Variants in STK3 observed in about 807,000 individuals in gnomAD.
The protein encoded by STK3 is serine/threonine-protein kinase 3.
In STK3, 41 loss-of-function variants were observed where a neutral mutation model predicts 58.0. The ratio of observed to expected loss-of-function variants is 0.71; its 90% CI spans 0.55 to 0.92. The LOEUF (loss-of-function observed/expected upper bound fraction) is 0.92. Among genes scored for constraint, STK3 ranks in the 40% least tolerant of loss-of-function variants. The probability of loss-of-function intolerance (pLI) is 0.00; values close to 1 mark genes in which losing one functional copy is unlikely to be tolerated. For missense variants in STK3, 479 were observed against 602.7 expected (o/e 0.79, Z 2.15); for synonymous variants, 170 against 191.0 (o/e 0.89, Z 0.91).
rs1180621568 is a variant in STK3 at position 98,630,661 on chromosome 8, A to AAGGAGAAGGAGGAGAAGG, written c.685-34510_685-34493dup. Among the ~76,000 whole-genome samples the AAGGAGAAGGAGGAGAAGG allele has an allele frequency of 2.7e-3, 395 of 148,876 alleles. 1 individual carries two copies. Among genetic ancestry groups the AAGGAGAAGGAGGAGAAGG allele is most frequent in the African/African-American group, 9.3e-3 (375 of 40,316 alleles). The stretch of plus-strand genomic sequence containing the variant: ...GAAGAAGAAGGAGAAGGAGAAGGAG[A>AAGGAGAAGGAGGAGAAGG]AGGAGAAGGAGGAGAAGGAGGAGAA... On this transcript the variant is annotated intron_variant, in intron 6 of 10. Transcript: ENST00000419617.
chr8:98,699,309 T>G (rs552704284), intron 6 of STK3, among the ~76,000 whole-genome samples: 3,076 of 151,726 alleles, frequency 0.02, 98 homozygotes, highest in African/African-American at 0.07. Flanking sequence ...TGGTTTGAAT[T>G]TCCTCCTGTA....
intron 3 of STK3, among the ~76,000 whole-genome samples, chr8:98,751,228 T>C (rs1000707302): frequency 9.9e-5 from 15 of 152,114 alleles, no homozygotes; most frequent in Non-Finnish European, 2.2e-4. Flanking sequence ...CATTCCTGTT[T>C]AACATAGTAT....
intron 2 of STK3, among the ~76,000 whole-genome samples, chr8:98,373,188 G>A (rs1369861926): frequency 6.6e-6 from 1 of 152,040 alleles, no homozygotes; most frequent in Non-Finnish European, 1.5e-5. Flanking sequence ...TGCTTTTTTT[G>A]TGATTGCTGT....
At chr8:98,345,353 G>C in the STK3 span, among the ~76,000 whole-genome samples, 11 of 152,016 alleles carry the variant, frequency 7.2e-5, no homozygotes, top group African/African-American at 2.7e-4. Context: ...ACACACTGAA[G>C]GCATCAGGTA....
At chr8:98,832,311 T>C (rs1016596571) in intron 3 of STK3, among the ~76,000 whole-genome samples, 1 of 151,144 alleles carries the variant, frequency 6.6e-6, no homozygotes, top group African/African-American at 2.4e-5. Flanking sequence ...GACACTCACA[T>C]GCACAATAAG....
In STK3 at chr8:98,474,203, T is replaced by G. The variant is rs543555276; in HGVS notation, c.1318-18203A>C. On this transcript the variant is annotated intron_variant, in intron 10 of 10. Transcript: ENST00000419617. ...GCTGTCATCTCCCCAGTCAAAGCCCTCTTATCTTGAGCACACTGTTTCAAT... is the reference window on the plus strand; with the variant it reads ...GCTGTCATCTCCCCAGTCAAAGCCCGCTTATCTTGAGCACACTGTTTCAAT... Among the ~76,000 whole-genome samples the G allele has an allele frequency of 2.8e-4, 42 of 152,286 alleles. No individual in the cohort carries two copies. In the South Asian group the frequency reaches 8.7e-3, roughly 32 times the overall value.
chr8:98,841,045 T>C (rs1189538240), intron 3 of STK3, among the ~76,000 whole-genome samples: 1 of 152,184 alleles, frequency 6.6e-6, no homozygotes, highest in Admixed American at 6.5e-5. Flanking sequence ...CATGTGGCCG[T>C]CTCTAGAGGG....
chr8:98,882,334 A>G (rs1837824318), downstream of STK3: 2 of 152,096 alleles, frequency 1.3e-5, no homozygotes, highest in Admixed American at 6.5e-5. Flanking sequence ...TTTAGGAATA[A>G]GTAATTGAAG....
At chr8:98,817,904 A>C (rs1230963753) in intron 1 of STK3, among the ~76,000 whole-genome samples, 1 of 151,226 alleles carries the variant, frequency 6.6e-6, no homozygotes, top group African/African-American at 2.5e-5. Context: ...AAAAACCTTT[A>C]ATGACAGCAC....
chr8:98,723,603 A>T (rs1827593446), intron 4 of STK3, among the ~76,000 whole-genome samples: 1 of 152,150 alleles, frequency 6.6e-6, no homozygotes, highest in East Asian at 1.9e-4. Context: ...TTTTCTAATA[A>T]GTCTTTCGCA....
intron 10 of STK3, among the ~76,000 whole-genome samples, chr8:98,509,256 T>C (rs1824321212): frequency 1.3e-5 from 2 of 152,036 alleles, no homozygotes; most frequent in African/African-American, 2.4e-5. Context: ...ACTCTTAAGA[T>C]TGGTATAACA....
rs1334567989 is a variant in STK3 at position 98,428,064 on chromosome 8, A to T, written n.483+6063T>A. 1 of 1,613,164 alleles carries T rather than the reference A, an allele frequency of 6.2e-7. No individual in the cohort carries two copies. The highest frequency in any genetic ancestry group is 2.2e-5 in the East Asian group (1 of 44,818). On this transcript the variant is annotated intron_variant and non_coding_transcript_variant, in intron 3 of 3. Transcript: ENST00000517832. The surrounding 1 kb of genome is among the most constrained non-coding windows in gnomAD (Gnocchi z 6.7). ...CATCAATGTGGGCGGCTTCAAGAGGAGGCTGCGCTCGCACACGCTGCTGCG... is the reference window on the plus strand; with the variant it reads ...CATCAATGTGGGCGGCTTCAAGAGGTGGCTGCGCTCGCACACGCTGCTGCG...
intron 3 of STK3, among the ~76,000 whole-genome samples, chr8:98,757,862 G>A (rs1830391781): frequency 6.6e-6 from 1 of 152,082 alleles, no homozygotes; most frequent in South Asian, 2.1e-4. Flanking sequence ...TTTATATAAG[G>A]AAATAATACA....
At chr8:98,573,535 C>T (rs772781589) in intron 8 of STK3, among the ~76,000 whole-genome samples, 5 of 152,074 alleles carry the variant, frequency 3.3e-5, no homozygotes, top group Non-Finnish European at 5.9e-5. Context: ...AAGGGAACTA[C>T]AATTCAAGAG....
At chr8:98,391,253 T>C (rs1453541796), upstream of STK3, 5 of 152,224 alleles carry the variant, frequency 3.3e-5, no homozygotes, top group Non-Finnish European at 7.3e-5. Flanking sequence ...TGGGCTGTAG[T>C]TCCAGTGTCA....
At chr8:98,723,620 G>A (rs1827596186) in intron 4 of STK3, among the ~76,000 whole-genome samples, 1 of 152,024 alleles carries the variant, frequency 6.6e-6, no homozygotes, top group African/African-American at 2.4e-5. Context: ...CGCAATGTTA[G>A]CTAAACACCT....
intron 3 of STK3, among the ~76,000 whole-genome samples, chr8:98,416,983 C>T (rs1338878114): frequency 6.6e-6 from 1 of 152,176 alleles, no homozygotes; most frequent in Non-Finnish European, 1.5e-5. Context: ...TGGCAGAATC[C>T]AGGGGACTCC....
intron 8 of STK3, among the ~76,000 whole-genome samples, chr8:98,569,913 ATGTGTGTGTG>A (rs534903718): frequency 5.4e-5 from 8 of 147,314 alleles, no homozygotes; most frequent in Non-Finnish European, 1.2e-4. Context: ...AAAAAAAAAT[ATGTGTGTGTG>A]TGTGTGTGTG....
chr8:98,623,212 A>C (rs1446681082), intron 6 of STK3, among the ~76,000 whole-genome samples: 3 of 152,004 alleles, frequency 2.0e-5, no homozygotes, highest in African/African-American at 7.3e-5. Flanking sequence ...AAATAAAGGG[A>C]AGGAAGAAAG....
Sources: gnomAD v4.1 joint callset for allele counts (sites outside exome capture counted in the v4.1 genomes callset) on GRCh38, gnomAD v4.1.1 for gene constraint, Gnocchi (gnomAD v3.1) non-coding constraint, MANE v1.5 for transcripts, NCBI Gene and HGNC (gene_info 2026-07-23, HGNC 2026-07-21) for gene names.